Variants in LYRM1 observed in about 807,000 individuals in gnomAD.
LYRM1 encodes the protein LYR motif containing 1.
In LYRM1, 14 loss-of-function variants were observed where a neutral mutation model predicts 14.9. That is an observed-to-expected ratio of 0.94 (90% CI 0.62 to 1.47). LYRM1 has a LOEUF of 1.47. LYRM1 is among the 40% of genes most tolerant of loss of function. The pLI, the probability that LYRM1 is intolerant of heterozygous loss-of-function variation, is 0.00. For missense variants in LYRM1, 153 were observed against 149.9 expected (o/e 1.02, Z -0.11); for synonymous variants, 43 against 56.2 (o/e 0.77, Z 1.05).
chr16:20,913,493 G>A (rs2082708304), intron 1 of LYRM1, among the ~76,000 whole-genome samples: 1 of 151,856 alleles, frequency 6.6e-6, no homozygotes, highest in Non-Finnish European at 1.5e-5. Context: ...TGTATTTTTA[G>A]TAGAGACTGG....
Position 20,900,883 on chromosome 16 carries a change from A to T in LYRM1, c.-7A>T, listed in dbSNP as rs1220241011. ...CTGTGGGTGGGGGAAGGCAGGACTG[A>T]CGCAGAGTGAGTGTAGGGGATGGAG... On this transcript the variant is annotated 5_prime_UTR_variant, in exon 1 of 4. Coordinates refer to ENST00000567954, the MANE Select transcript of LYRM1 (RefSeq NM_001128302.3). The T allele has an allele frequency of 1.3e-5, 2 of 152,680 alleles. No homozygotes were observed. The highest frequency in any genetic ancestry group is 2.9e-5 in the Non-Finnish European group (2 of 68,486). The allele number at this position is 152,680 out of a possible 1,614,324, so 9.5% of individuals were successfully genotyped here. A position where few individuals can be genotyped will look rare whatever the true frequency, so the allele number is the denominator to read the frequency against.
chr16:20,904,292 C>T (rs3944143), intron 1 of LYRM1, among the ~76,000 whole-genome samples: 94,565 of 151,970 alleles, frequency 0.62, 30,828 homozygotes, highest in Non-Finnish European at 0.73. Flanking sequence ...ATCTTGTGTG[C>T]GCTCCGGTGC....
At chr16:20,919,983 A>C (rs2083100871) in intron 2 of LYRM1, 139 bp from the exon 3 acceptor site, 1 of 494,248 alleles carries the variant, frequency 2.0e-6, no homozygotes, top group Non-Finnish European at 3.6e-6. Flanking sequence ...CTTTAATATT[A>C]AATTGCTTTT....
chr16:20,908,016 G>A (rs1417914417), intron 1 of LYRM1, among the ~76,000 whole-genome samples: 1 of 152,184 alleles, frequency 6.6e-6, no homozygotes, highest in Non-Finnish European at 1.5e-5. Context: ...TGTTGAGTGA[G>A]TGGATGGATG....
At chr16:20,910,334 CA>C in intron 1 of LYRM1, among the ~76,000 whole-genome samples, 1 of 152,344 alleles carries the variant, frequency 6.6e-6, no homozygotes, top group East Asian at 1.9e-4. Flanking sequence ...ACCCTTCTCT[CA>C]GGAAATCTTT....
chr16:20,915,592 T>TA lies in LYRM1; in HGVS notation c.38dup (p.Tyr13Ter). Reference protein sequence around the residue: ...TATRQEVLGLYRSIFRLARKW... With the variant: ...TATRQEVLGL ...AACACGACAAGAAGTCCTTGGCCTC[T>TA]ACCGCAGCATTTTCAGGCTTGCGAG... Residue 13 changes from tyrosine (Y) to a stop codon, truncating the protein, a stop_gained and frameshift_variant, in exon 2 of 4, where the codon TAC becomes TAAC. Coordinates refer to ENST00000567954, the MANE Select transcript of LYRM1 (RefSeq NM_001128302.3). LOFTEE classifies it high-confidence loss of function. 1.2e-6 allele frequency: 2 copies of TA among 1,614,094 alleles called. No individual in the cohort carries two copies. The highest frequency in any genetic ancestry group is 1.7e-6 in the Non-Finnish European group (2 of 1,180,006).
chr16:20,924,972 G>A lies in LYRM1; in HGVS notation c.*856G>A, dbSNP rs902933906. On this transcript the variant is annotated 3_prime_UTR_variant, in exon 4 of 4. Coordinates refer to ENST00000567954, the MANE Select transcript of LYRM1 (RefSeq NM_001128302.3). ...TCATTTCTTCTTAACCTCTGAAGAA[G>A]ATGGGCATCAGAAATAAAGACAAAG... The A allele has an allele frequency of 6.6e-6, 1 of 152,146 alleles. No individual in the cohort carries two copies. The highest frequency in any genetic ancestry group is 2.4e-5 in the African/African-American group (1 of 41,428). 9.4% of individuals were successfully genotyped at this position (152,146 alleles called of 1,614,324 possible).
intron 1 of LYRM1, among the ~76,000 whole-genome samples, chr16:20,912,224 G>T (rs1462176452): frequency 6.6e-6 from 1 of 152,046 alleles, no homozygotes; most frequent in Admixed American, 6.6e-5. Context: ...TTACAGGCAT[G>T]AGCCACTGCA....
chr16:20,915,721 A>G lies in LYRM1; in HGVS notation c.159+7A>G. On this transcript the variant is annotated splice_region_variant and intron_variant, in intron 2 of 3. Coordinates refer to ENST00000567954, the MANE Select transcript of LYRM1 (RefSeq NM_001128302.3). ...GTTCCGGAAAAACAAAAATGTAAGTAGGCCCCACTTGGAGATTGTGCAGAG... is the reference window on the plus strand; with the variant it reads ...GTTCCGGAAAAACAAAAATGTAAGTGGGCCCCACTTGGAGATTGTGCAGAG... 6.2e-7 allele frequency: 1 copy of G among 1,613,392 alleles called. No individual in the cohort carries two copies. Among genetic ancestry groups the G allele is most frequent in the Non-Finnish European group, 8.5e-7 (1 of 1,179,530 alleles).
intron 3 of LYRM1, among the ~76,000 whole-genome samples, chr16:20,923,458 C>T (rs1462644227): frequency 6.9e-6 from 1 of 144,056 alleles, no homozygotes; most frequent in Non-Finnish European, 1.5e-5. Flanking sequence ...GAGATCATGC[C>T]ACTGCACTCC....
chr16:20,915,020 C>G (rs1239292181), intron 1 of LYRM1, among the ~76,000 whole-genome samples: 1 of 152,084 alleles, frequency 6.6e-6, no homozygotes, highest in Non-Finnish European at 1.5e-5. Flanking sequence ...ATGTGGCCAC[C>G]ATGGCAAACG....
At chr16:20,899,902 AG>A (rs1055192958), upstream of LYRM1, 17 of 152,474 alleles carry the variant, frequency 1.1e-4, no homozygotes, top group African/African-American at 4.1e-4. Context: ...GCGCTCACCC[AG>A]GACAGAGGAC....
At chr16:20,914,629 G>A (rs1404578372) in intron 1 of LYRM1, among the ~76,000 whole-genome samples, 3 of 152,000 alleles carry the variant, frequency 2.0e-5, no homozygotes, top group Non-Finnish European at 4.4e-5. Context: ...ATGACTTAGT[G>A]TGTTTTTTTG....
intron 1 of LYRM1, among the ~76,000 whole-genome samples, chr16:20,908,128 G>T (rs1411826376): frequency 6.6e-6 from 1 of 152,148 alleles, no homozygotes. Context: ...AGTCAGAGGG[G>T]ACAGGGTTGC....
intron 1 of LYRM1, among the ~76,000 whole-genome samples, chr16:20,908,047 G>A (rs2082409615): frequency 6.6e-6 from 1 of 152,194 alleles, no homozygotes; most frequent in Non-Finnish European, 1.5e-5. Flanking sequence ...TGGAAGGGAA[G>A]AGTAAGGCCT....
chr16:20,908,885 G>C (rs766379484), intron 1 of LYRM1, among the ~76,000 whole-genome samples: 3 of 152,216 alleles, frequency 2.0e-5, no homozygotes, highest in Non-Finnish European at 4.4e-5. Flanking sequence ...AGGCACCTTA[G>C]AGCAGTAGCT....
chr16:20,916,379 G>C (rs1303482540), intron 2 of LYRM1, among the ~76,000 whole-genome samples: 1 of 152,126 alleles, frequency 6.6e-6, no homozygotes, highest in East Asian at 1.9e-4. Context: ...CATGGAAAAA[G>C]GCTTTCACAC....
At chr16:20,910,550 G>A (rs890928417) in intron 1 of LYRM1, among the ~76,000 whole-genome samples, 1 of 152,218 alleles carries the variant, frequency 6.6e-6, no homozygotes, top group African/African-American at 2.4e-5. Flanking sequence ...TATATGATCA[G>A]TTAGAGTTTG....
In LYRM1 at chr16:20,911,411, C is replaced by A. The variant is rs536370839; in HGVS notation, c.1-4145C>A. ...TCATAATTTCAGGACTACCCTAAAG[C>A]ATATTATCTCCACCTCTTATGCCTT... On this transcript the variant is annotated intron_variant, in intron 1 of 3. Transcript: ENST00000567954. The A allele has an allele frequency of 1.3e-5, 2 of 152,300 alleles. 1 individual carries two copies. Among genetic ancestry groups the A allele is most frequent in the East Asian group, 3.9e-4 (2 of 5,176 alleles). 9.4% of individuals were successfully genotyped at this position (152,300 alleles called of 1,614,324 possible).
Sources: allele counts gnomAD v4.1 joint callset (sites outside exome capture counted in the v4.1 genomes callset), GRCh38; gene constraint gnomAD v4.1.1; transcripts MANE v1.5; gene names NCBI Gene and HGNC (gene_info 2026-07-23, HGNC 2026-07-21).